LRMDA: variants seen among roughly 807,000 people sequenced by gnomAD.
LRMDA encodes leucine-rich melanocyte differentiation-associated protein.
LRMDA carries 18 observed loss-of-function variants against 29.8 expected under a neutral mutation model. That is an observed-to-expected ratio of 0.60 (90% CI 0.42 to 0.90). The LOEUF (loss-of-function observed/expected upper bound fraction) is 0.90, where lower values mean the gene tolerates loss of function less well. LRMDA is among the 40% of genes least tolerant of loss of function. The pLI, the probability that LRMDA is intolerant of heterozygous loss-of-function variation, is 0.00. For missense variants in LRMDA, 273 were observed against 273.9 expected, an observed-to-expected ratio of 1.00 and a Z score of 0.02; for synonymous variants, 125 against 109.4, an observed-to-expected ratio of 1.14 and a Z score of -0.89.
intron 6 of LRMDA, among the ~76,000 whole-genome samples, chr10:76,456,653 T>TAAAAAAAAAAAAAAA (rs759893190): frequency 7.8e-6 from 1 of 127,416 alleles, no homozygotes; most frequent in African/African-American, 2.8e-5. Flanking sequence ...GCACTCTTAT[T>TAAAAAAAAAAAAAAA]AAAAAAAAAA....
intron 2 of LRMDA, among the ~76,000 whole-genome samples, chr10:75,679,936 G>A (rs1341223920): frequency 6.6e-6 from 1 of 152,022 alleles, no homozygotes; most frequent in Non-Finnish European, 1.5e-5. Context: ...TTATCTTAAA[G>A]AAAAAATGGC....
chr10:75,986,580 A>G (rs1385093401), intron 2 of LRMDA, among the ~76,000 whole-genome samples: 4 of 152,250 alleles, frequency 2.6e-5, no homozygotes, highest in Non-Finnish European at 4.4e-5. Context: ...TCATGACACT[A>G]GTATAGTATT....
intron 2 of LRMDA, among the ~76,000 whole-genome samples, chr10:75,465,685 A>G (rs753499353): frequency 5.9e-5 from 9 of 152,224 alleles, no homozygotes; most frequent in Non-Finnish European, 7.3e-5. Context: ...TGAAGTGGCC[A>G]TGGTTTAAAA....
intron 5 of LRMDA, among the ~76,000 whole-genome samples, chr10:76,124,101 C>T (rs1849837144): frequency 6.6e-6 from 1 of 152,202 alleles, no homozygotes. Context: ...CCCATCGTCT[C>T]TAGGCCCAAC....
chr10:75,776,225 C>T (rs1843310391), intron 2 of LRMDA, among the ~76,000 whole-genome samples: 1 of 152,194 alleles, frequency 6.6e-6, no homozygotes, highest in African/African-American at 2.4e-5. Flanking sequence ...TTTACAACTG[C>T]TGCTATTGCT....
At chr10:75,782,182 T>G (rs919812978) in intron 2 of LRMDA, among the ~76,000 whole-genome samples, 3 of 152,198 alleles carry the variant, frequency 2.0e-5, no homozygotes, top group African/African-American at 7.2e-5. Context: ...ACAAATAGCC[T>G]TCCTTAATCC....
At chr10:75,971,516 T>G (rs1035957678) in intron 2 of LRMDA, among the ~76,000 whole-genome samples, 3 of 152,206 alleles carry the variant, frequency 2.0e-5, no homozygotes, top group African/African-American at 7.2e-5. Flanking sequence ...TCTCTGGAAA[T>G]TGTATTTCAT....
At chr10:76,075,032 G>A (rs1848935362) in intron 5 of LRMDA, among the ~76,000 whole-genome samples, 2 of 152,160 alleles carry the variant, frequency 1.3e-5, no homozygotes, top group African/African-American at 4.8e-5. Flanking sequence ...TTGAACAGGA[G>A]GATCCACAGT....
chr10:75,502,940 A>C (rs891040485), intron 2 of LRMDA, among the ~76,000 whole-genome samples: 9 of 149,414 alleles, frequency 6.0e-5, no homozygotes, highest in African/African-American at 2.0e-4. Flanking sequence ...TGGCCTGAAA[A>C]CCCCCTGCAC....
At chr10:76,056,772 G>T (rs1263974097) in intron 4 of LRMDA, among the ~76,000 whole-genome samples, 2 of 152,136 alleles carry the variant, frequency 1.3e-5, no homozygotes, top group Non-Finnish European at 2.9e-5. Context: ...CAGTGGAGGG[G>T]GGCTTCCCAA....
intron 5 of LRMDA, among the ~76,000 whole-genome samples, chr10:76,284,243 T>A (rs1840242451): frequency 6.6e-6 from 1 of 152,266 alleles, no homozygotes; most frequent in African/African-American, 2.4e-5. Context: ...TTATTCTGCA[T>A]TATCCAGGTG....
intron 5 of LRMDA, among the ~76,000 whole-genome samples, chr10:76,146,771 T>C (rs1850330789): frequency 1.3e-5 from 2 of 152,238 alleles, no homozygotes; most frequent in Non-Finnish European, 2.9e-5. Flanking sequence ...ATGCAGTTTC[T>C]TCCTAGCCTT....
chr10:75,810,424 G>C (rs1383922163), intron 2 of LRMDA, among the ~76,000 whole-genome samples: 2 of 152,192 alleles, frequency 1.3e-5, no homozygotes, highest in African/African-American at 4.8e-5. Context: ...CCAGTGGAGG[G>C]AGAAGGTGTG....
At chr10:75,707,092 C>G (rs1842379193) in intron 2 of LRMDA, among the ~76,000 whole-genome samples, 1 of 152,128 alleles carries the variant, frequency 6.6e-6, no homozygotes, top group Non-Finnish European at 1.5e-5. Context: ...AGTAGGCTGG[C>G]TGAAAGGCAG....
chr10:75,877,960 G>T (rs1457432551), intron 2 of LRMDA, among the ~76,000 whole-genome samples: 2 of 152,186 alleles, frequency 1.3e-5, no homozygotes, highest in African/African-American at 4.8e-5. Context: ...TGCAACAGGG[G>T]TGTGGCTCGC....
chr10:76,128,531 T>G (rs995542443), intron 5 of LRMDA, among the ~76,000 whole-genome samples: 1 of 152,194 alleles, frequency 6.6e-6, no homozygotes, highest in Non-Finnish European at 1.5e-5. Context: ...TGGGAAGTGG[T>G]AGCTCAGTGA....
chr10:76,188,052 AT>A, intron 5 of LRMDA, among the ~76,000 whole-genome samples: 1 of 152,142 alleles, frequency 6.6e-6, no homozygotes, highest in Non-Finnish European at 1.5e-5. Context: ...CCCAGGTGTT[AT>A]TGCAACCTGT....
intron 2 of LRMDA, among the ~76,000 whole-genome samples, chr10:75,764,661 C>T (rs868708822): frequency 2.6e-5 from 4 of 152,080 alleles, no homozygotes; most frequent in South Asian, 2.1e-4. Context: ...CTCAAGGGCA[C>T]GGCTAACAGA....
intron 5 of LRMDA, among the ~76,000 whole-genome samples, chr10:76,130,544 A>G (rs1410137456): frequency 6.6e-6 from 1 of 152,228 alleles, no homozygotes; most frequent in African/African-American, 2.4e-5. Context: ...AAACTAGACC[A>G]GACTGTGTTT....
Sources: allele counts gnomAD v4.1 joint callset (sites outside exome capture counted in the v4.1 genomes callset), GRCh38; gene constraint gnomAD v4.1.1; transcripts MANE v1.5; gene names NCBI Gene and HGNC (gene_info 2026-07-23, HGNC 2026-07-21).